The following CACNA2D1 variants were observed in gnomAD, a reference collection of about 807,000 sequenced individuals.
CACNA2D1 encodes voltage-dependent calcium channel subunit alpha-2/delta-1.
A neutral mutation model predicts 171.5 loss-of-function variants in CACNA2D1; 53 were observed. That is an observed-to-expected ratio of 0.31 (90% CI 0.25 to 0.39). The LOEUF is 0.39. Ranked by LOEUF, CACNA2D1 falls within the 10% of genes least tolerant of loss-of-function variation. The pLI is 1.00. For synonymous variants in CACNA2D1, 442 were observed against 443.1 expected (o/e 1.00, Z 0.03); for missense variants, 903 against 1,299.8 (o/e 0.69, Z 4.69).
chr7:81,957,999 A>ATAAAACATTCTT (rs1471887457), intron 38 of CACNA2D1, among the ~76,000 whole-genome samples: 1 of 152,080 alleles, frequency 6.6e-6, no homozygotes, highest in African/African-American at 2.4e-5. Flanking sequence ...TTGGCCCTTC[A>ATAAAACATTCTT]TAAAACATTC....
intron 21 of CACNA2D1, among the ~76,000 whole-genome samples, chr7:81,987,509 C>A (rs1421952851): frequency 6.6e-6 from 1 of 152,056 alleles, no homozygotes; most frequent in Non-Finnish European, 1.5e-5. Context: ...GAGAAAGCAT[C>A]CTATTAAAAT....
chr7:81,960,387 A>T (rs1341183191), intron 36 of CACNA2D1, among the ~76,000 whole-genome samples: 3 of 152,022 alleles, frequency 2.0e-5, no homozygotes, highest in Non-Finnish European at 2.9e-5. Context: ...ACAAAATTTT[A>T]ATTCTAATTA....
chr7:82,215,958 G>GA (rs1801053175), intron 3 of CACNA2D1, among the ~76,000 whole-genome samples: 1 of 151,932 alleles, frequency 6.6e-6, no homozygotes, highest in Non-Finnish European at 1.5e-5. Context: ...AATTTGACAT[G>GA]AAAAAAAGAC....
At chr7:81,953,529 G>A (rs17155682) in intron 38 of CACNA2D1, among the ~76,000 whole-genome samples, 61,357 of 151,578 alleles carry the variant, frequency 0.4, 12,574 homozygotes, top group East Asian at 0.51. Context: ...ATAAAAAACA[G>A]GGTACCAGTA....
intron 1 of CACNA2D1, among the ~76,000 whole-genome samples, chr7:82,377,729 G>A (rs773305831): frequency 5.3e-5 from 8 of 152,126 alleles, no homozygotes; most frequent in Non-Finnish European, 5.9e-5. Context: ...CGACTGAAAC[G>A]TTCCCAATCT....
chr7:82,189,948 C>A (rs1798131110), intron 3 of CACNA2D1, among the ~76,000 whole-genome samples: 1 of 151,720 alleles, frequency 6.6e-6, no homozygotes. Context: ...ATGATAGGAG[C>A]CACAAACGTT....
At chr7:82,061,610 C>T (rs2237505) in intron 9 of CACNA2D1, among the ~76,000 whole-genome samples, 49,739 of 152,124 alleles carry the variant, frequency 0.33, 10,049 homozygotes, top group Non-Finnish European at 0.44. Flanking sequence ...CTGCCCGCTG[C>T]ACTAACAAAG....
chr7:82,412,280 CTTTT>C (rs11419755), intron 1 of CACNA2D1, among the ~76,000 whole-genome samples: 3 of 124,838 alleles, frequency 2.4e-5, no homozygotes, highest in Non-Finnish European at 4.9e-5. Context: ...GTGCTTGTAA[CTTTT>C]TTTTTTTTTT....
chr7:82,054,526 T>C (rs1805575841), intron 10 of CACNA2D1, among the ~76,000 whole-genome samples: 1 of 152,360 alleles, frequency 6.6e-6, no homozygotes, highest in East Asian at 1.9e-4. Flanking sequence ...GAATCATTTA[T>C]TAATTCTCTG....
intron 1 of CACNA2D1, among the ~76,000 whole-genome samples, chr7:82,404,837 C>T (rs73158790): frequency 0.17 from 25,972 of 151,980 alleles, 2,539 homozygotes; most frequent in Non-Finnish European, 0.22. Flanking sequence ...CCAAATATGG[C>T]CCATTAGAGT....
intron 1 of CACNA2D1, among the ~76,000 whole-genome samples, chr7:82,434,486 T>C (rs1236225449): frequency 6.6e-6 from 1 of 152,114 alleles, no homozygotes; most frequent in Non-Finnish European, 1.5e-5. Flanking sequence ...CTTAATTAAG[T>C]ACTCATTAGT....
At chr7:82,152,884 C>A (rs1192952955) in intron 4 of CACNA2D1, among the ~76,000 whole-genome samples, 1 of 151,760 alleles carries the variant, frequency 6.6e-6, no homozygotes, top group African/African-American at 2.4e-5. Flanking sequence ...CATTTAATTT[C>A]TCATTTTGAA....
intron 1 of CACNA2D1, among the ~76,000 whole-genome samples, chr7:82,403,651 C>T (rs982409138): frequency 1.3e-5 from 2 of 152,286 alleles, no homozygotes; most frequent in Non-Finnish European, 2.9e-5. Flanking sequence ...GGGTGTCACA[C>T]CCACCACTGT....
intron 19 of CACNA2D1, among the ~76,000 whole-genome samples, chr7:81,995,718 G>A (rs1797971754): frequency 6.7e-6 from 1 of 149,864 alleles, no homozygotes; most frequent in African/African-American, 2.5e-5. Context: ...AGAATGGCAT[G>A]AACCCAGGAG....
intron 28 of CACNA2D1, among the ~76,000 whole-genome samples, chr7:81,969,613 A>G (rs1040197799): frequency 1.3e-5 from 2 of 151,320 alleles, no homozygotes; most frequent in Non-Finnish European, 3.0e-5. Context: ...ATGAGGGATT[A>G]TCTACATGTG....
intron 1 of CACNA2D1, among the ~76,000 whole-genome samples, chr7:82,382,455 T>C (rs912997053): frequency 1.3e-5 from 2 of 152,200 alleles, no homozygotes; most frequent in Non-Finnish European, 2.9e-5. Flanking sequence ...GGCTGTCCCA[T>C]TCACTTCTGA....
At chr7:82,021,206 G>A (rs904306102) in intron 12 of CACNA2D1, 1 of 152,096 alleles carries the variant, frequency 6.6e-6, no homozygotes, top group African/African-American at 2.4e-5. Flanking sequence ...CAGCTGAGAG[G>A]TCAGAATATA....
chr7:82,204,867 GGCAGA>G (rs1799851543), intron 3 of CACNA2D1, among the ~76,000 whole-genome samples: 1 of 152,142 alleles, frequency 6.6e-6, no homozygotes, highest in Non-Finnish European at 1.5e-5. Flanking sequence ...AATAGGCCAA[GGCAGA>G]CATCCAGTCC....
chr7:82,297,194 T>G (rs1211566874), intron 3 of CACNA2D1, among the ~76,000 whole-genome samples: 1 of 151,672 alleles, frequency 6.6e-6, no homozygotes, highest in African/African-American at 2.4e-5. Context: ...GAGGCTGCAG[T>G]GAGCAAGGTC....
Sources: allele counts gnomAD v4.1 joint callset (sites outside exome capture counted in the v4.1 genomes callset), GRCh38; gene constraint gnomAD v4.1.1; transcripts MANE v1.5; gene names NCBI Gene and HGNC (gene_info 2026-07-23, HGNC 2026-07-21).